MEI4: variants seen among roughly 807,000 people sequenced by gnomAD.
The protein encoded by MEI4 is meiotic double-stranded break formation protein 4.
MEI4 carries 27 observed loss-of-function variants against 31.4 expected under a neutral mutation model. The observed-to-expected ratio is 0.86, with a 90% confidence interval of 0.63 to 1.19. The LOEUF is 1.19. Ranked by LOEUF, MEI4 falls within the 50% of genes most tolerant of loss-of-function variation. The pLI, the probability that MEI4 is intolerant of heterozygous loss-of-function variation, is 0.00. For missense variants in MEI4, 329 were observed against 398.9 expected, an observed-to-expected ratio of 0.82 and a Z score of 1.49; for synonymous variants, 122 against 145.4, an observed-to-expected ratio of 0.84 and a Z score of 1.16.
chr6:77,654,237 G>A (rs1461247379), intron 1 of MEI4, among the ~76,000 whole-genome samples: 1 of 152,142 alleles, frequency 6.6e-6, no homozygotes, highest in Non-Finnish European at 1.5e-5. Flanking sequence ...AATGATTGAT[G>A]GCTAAAAGCT....
intron 2 of MEI4, among the ~76,000 whole-genome samples, chr6:77,715,495 T>C (rs954972418): frequency 2.7e-4 from 41 of 152,340 alleles, no homozygotes; most frequent in South Asian, 4.1e-4. Flanking sequence ...GTTTTATCGT[T>C]TTAATCATAT....
At chr6:77,821,428 C>T (rs1014184245) in intron 3 of MEI4, among the ~76,000 whole-genome samples, 2 of 152,130 alleles carry the variant, frequency 1.3e-5, no homozygotes, top group African/African-American at 4.8e-5. Flanking sequence ...AGCTTCATCT[C>T]TCAGCATGCG....
chr6:77,656,598 G>A (rs1768401806), intron 1 of MEI4, among the ~76,000 whole-genome samples: 1 of 152,184 alleles, frequency 6.6e-6, no homozygotes, highest in South Asian at 2.1e-4. Context: ...CAATCAATAA[G>A]TGGTGCTGAA....
intron 4 of MEI4, among the ~76,000 whole-genome samples, chr6:77,913,097 G>A (rs754695472): frequency 3.3e-5 from 5 of 151,650 alleles, no homozygotes; most frequent in Non-Finnish European, 7.4e-5. Context: ...TATTCCATTG[G>A]TGTAATGTAT....
At chr6:77,795,982 T>C (rs1474763292) in intron 3 of MEI4, among the ~76,000 whole-genome samples, 4 of 152,188 alleles carry the variant, frequency 2.6e-5, no homozygotes, top group Non-Finnish European at 2.9e-5. Flanking sequence ...ATATCCTTGA[T>C]ACATATATGC....
intron 3 of MEI4, among the ~76,000 whole-genome samples, chr6:77,794,528 C>T (rs570236644): frequency 6.6e-6 from 1 of 152,300 alleles, no homozygotes; most frequent in African/African-American, 2.4e-5. Context: ...CGCCACTGCA[C>T]TCCAGCCTGG....
intron 4 of MEI4, among the ~76,000 whole-genome samples, chr6:77,833,310 T>C (rs907371104): frequency 6.6e-6 from 1 of 152,152 alleles, no homozygotes; most frequent in African/African-American, 2.4e-5. Flanking sequence ...CTACATTGTT[T>C]AGTTATTCAA....
chr6:77,791,396 T>G (rs1768926459), intron 3 of MEI4, among the ~76,000 whole-genome samples: 1 of 150,932 alleles, frequency 6.6e-6, no homozygotes, highest in African/African-American at 2.4e-5. Flanking sequence ...ATGGATGAAA[T>G]TGGAAATCAT....
chr6:77,759,699 C>A (rs919621400), intron 2 of MEI4, among the ~76,000 whole-genome samples: 3 of 152,116 alleles, frequency 2.0e-5, no homozygotes, highest in Admixed American at 6.6e-5. Flanking sequence ...TTTATTTTCC[C>A]AGTCAGTCCT....
chr6:77,834,024 A>C (rs1010342189), intron 4 of MEI4, among the ~76,000 whole-genome samples: 3 of 152,090 alleles, frequency 2.0e-5, no homozygotes, highest in Non-Finnish European at 1.5e-5. Flanking sequence ...TCTTTAGTCT[A>C]TCATTGATGG....
At chr6:77,871,012 T>C (rs891738653) in intron 4 of MEI4, among the ~76,000 whole-genome samples, 5 of 152,220 alleles carry the variant, frequency 3.3e-5, no homozygotes, top group Admixed American at 6.5e-5. Flanking sequence ...GTAATAATGA[T>C]ACGGCTCATT....
intron 3 of MEI4, among the ~76,000 whole-genome samples, chr6:77,794,891 T>C (rs1769037262): frequency 1.3e-5 from 2 of 152,232 alleles, no homozygotes; most frequent in Admixed American, 1.3e-4. Flanking sequence ...CATATGTATA[T>C]ACTTTGACAA....
At chr6:77,688,752 T>G (rs1331899703) in intron 1 of MEI4, among the ~76,000 whole-genome samples, 1 of 152,072 alleles carries the variant, frequency 6.6e-6, no homozygotes. Flanking sequence ...AGGCACCTTT[T>G]AAAAAATCAG....
chr6:77,752,207 A>G (rs1303226773), intron 2 of MEI4, among the ~76,000 whole-genome samples: 1 of 152,202 alleles, frequency 6.6e-6, no homozygotes, highest in East Asian at 1.9e-4. Flanking sequence ...GAAAATCCAC[A>G]CAAGACAAGG....
chr6:77,767,372 CAATAAATAAATAAATG>C (rs1561980997), intron 3 of MEI4, among the ~76,000 whole-genome samples: 1 of 151,138 alleles, frequency 6.6e-6, no homozygotes, highest in South Asian at 2.1e-4. Context: ...GAGACTCCCT[CAATAAATAAATAAATG>C]AATAAATAAA....
chr6:77,791,530 G>T (rs1239864697), intron 3 of MEI4, among the ~76,000 whole-genome samples: 1 of 126,274 alleles, frequency 7.9e-6, no homozygotes. Flanking sequence ...GGCGACTGTT[G>T]TGGGGTGGGG....
intron 3 of MEI4, among the ~76,000 whole-genome samples, chr6:77,789,126 A>G (rs769725479): frequency 6.6e-6 from 1 of 152,226 alleles, no homozygotes; most frequent in African/African-American, 2.4e-5. Flanking sequence ...CTGACCTTTG[A>G]CAAACCTGAC....
chr6:77,796,425 T>C (rs1027472743), intron 3 of MEI4, among the ~76,000 whole-genome samples: 8 of 152,182 alleles, frequency 5.3e-5, no homozygotes, highest in African/African-American at 1.7e-4. Context: ...AGTTACTTTA[T>C]TTCTCTTCAC....
intron 4 of MEI4, among the ~76,000 whole-genome samples, chr6:77,894,578 C>A (rs1005826239): frequency 2.0e-5 from 3 of 151,996 alleles, no homozygotes; most frequent in African/African-American, 7.2e-5. Flanking sequence ...AATATGATGC[C>A]TTTTAATTTC....
Sources: allele counts gnomAD v4.1 joint callset (sites outside exome capture counted in the v4.1 genomes callset), GRCh38; gene constraint gnomAD v4.1.1; transcripts MANE v1.5; gene names NCBI Gene and HGNC (gene_info 2026-07-23, HGNC 2026-07-21).